Variants in PTPRN2 observed in about 807,000 individuals in gnomAD.
The protein encoded by PTPRN2 is receptor-type tyrosine-protein phosphatase N2.
A neutral mutation model predicts 118.8 loss-of-function variants in PTPRN2; 74 were observed. That is an observed-to-expected ratio of 0.62 (90% confidence interval 0.52 to 0.76). The LOEUF (loss-of-function observed/expected upper bound fraction) is 0.76, where lower values mean the gene tolerates loss of function less well. Among genes scored for constraint, PTPRN2 ranks in the 30% least tolerant of loss-of-function variants. The pLI, the probability that PTPRN2 is intolerant of heterozygous loss-of-function variation, is 0.00. For missense variants in PTPRN2, 1,481 were observed against 1,394.4 expected (o/e 1.06, Z -0.99); for synonymous variants, 641 against 608.0 (o/e 1.05, Z -0.80).
At chr7:158,504,392 C>G (rs989692836) in intron 1 of PTPRN2, among the ~76,000 whole-genome samples, 1 of 152,182 alleles carries the variant, frequency 6.6e-6, no homozygotes, top group Non-Finnish European at 1.5e-5. Flanking sequence ...GTTCCCCCCC[C>G]ATGTGTCCAT....
At chr7:157,797,626 C>T (rs557436239) in intron 12 of PTPRN2, among the ~76,000 whole-genome samples, 9 of 152,312 alleles carry the variant, frequency 5.9e-5, no homozygotes, top group South Asian at 4.1e-4. Context: ...ACGTACCACT[C>T]GGTGGCAGGG....
chr7:158,064,680 C>T (rs56292561), intron 11 of PTPRN2, among the ~76,000 whole-genome samples: 16,136 of 152,218 alleles, frequency 0.11, 2,192 homozygotes, highest in African/African-American at 0.32. Flanking sequence ...ACCAAAGCCC[C>T]CCCTGTGCCA....
intron 3 of PTPRN2, among the ~76,000 whole-genome samples, chr7:158,222,561 C>T (rs928292354): frequency 8.6e-5 from 13 of 151,926 alleles, no homozygotes; most frequent in Non-Finnish European, 4.4e-5. Flanking sequence ...TGACAGACGC[C>T]GAGGACTATG....
chr7:158,307,798 T>C (rs1183349156), intron 3 of PTPRN2, among the ~76,000 whole-genome samples: 1 of 152,086 alleles, frequency 6.6e-6, no homozygotes, highest in Non-Finnish European at 1.5e-5. Context: ...GGAAACTGGG[T>C]CATGAGGGCT....
In PTPRN2 at chr7:157,610,275, A is replaced by G. The variant is rs1323777575; in HGVS notation, c.2345-6200T>C. Among the ~76,000 whole-genome samples the G allele has an allele frequency of 2.6e-5, 4 of 152,228 alleles. 1 individual carries two copies. In the East Asian group the frequency reaches 7.7e-4, roughly 29 times the overall value. On this transcript the variant is annotated intron_variant, in intron 15 of 22. Coordinates refer to ENST00000389418, the MANE Select transcript of PTPRN2 (RefSeq NM_002847.5). This position sits in a 1 kb window ranked among gnomAD's most constrained non-coding sequence, Gnocchi z 5.1. ...CCCAGGGGCCTCACGGAACTCGGCA[A>G]TGGGGTTCCTTCCACTCAGGGGTCT...
intron 2 of PTPRN2, among the ~76,000 whole-genome samples, chr7:158,382,536 C>T (rs113426714): frequency 1.3e-5 from 2 of 152,294 alleles, no homozygotes; most frequent in East Asian, 3.9e-4. Flanking sequence ...CCCCAACCCC[C>T]GGGCCATGAA....
intron 12 of PTPRN2, among the ~76,000 whole-genome samples, chr7:157,702,976 G>T (rs1333539480): frequency 6.6e-6 from 1 of 152,216 alleles, no homozygotes; most frequent in Non-Finnish European, 1.5e-5. Context: ...GGCTGTGATA[G>T]AGCTCTTTGT....
intron 12 of PTPRN2, among the ~76,000 whole-genome samples, chr7:157,768,040 C>T (rs376764011): frequency 6.6e-4 from 101 of 152,288 alleles, no homozygotes; most frequent in African/African-American, 2.3e-3. Flanking sequence ...ACACACTCTG[C>T]AGTGTGGCGA....
At chr7:157,648,741 C>T (rs1805343231) in intron 14 of PTPRN2, among the ~76,000 whole-genome samples, 1 of 146,852 alleles carries the variant, frequency 6.8e-6, no homozygotes. Context: ...GGGTCGGACC[C>T]ATCCAGTGTG....
intron 4 of PTPRN2, among the ~76,000 whole-genome samples, chr7:158,192,971 C>A (rs1585803543): frequency 6.6e-6 from 1 of 152,188 alleles, no homozygotes; most frequent in South Asian, 2.1e-4. Context: ...CAGGTTCTCG[C>A]CTGATAAATG....
chr7:157,694,393 G>T (rs549755307), intron 12 of PTPRN2, among the ~76,000 whole-genome samples: 1 of 152,172 alleles, frequency 6.6e-6, no homozygotes, highest in Admixed American at 6.5e-5. Context: ...ATGTCTGAGA[G>T]CCTCCAACTC....
chr7:158,167,639 A>G (rs1823152707), intron 5 of PTPRN2, among the ~76,000 whole-genome samples: 1 of 152,242 alleles, frequency 6.6e-6, no homozygotes, highest in Admixed American at 6.5e-5. Flanking sequence ...CGCATCACCC[A>G]AAAAGAGACT....
chr7:158,070,870 TGGTGCCCATGGTGGTGGA>T (rs1263583251), intron 11 of PTPRN2, among the ~76,000 whole-genome samples: 2 of 67,240 alleles, frequency 3.0e-5, no homozygotes, highest in Non-Finnish European at 5.6e-5. Context: ...GTGGTGGTGG[TGGTGCCCATGGTGGTGGA>T]GGTGCCCATG....
chr7:158,381,116 C>A (rs1435222546), intron 2 of PTPRN2, among the ~76,000 whole-genome samples: 1 of 152,236 alleles, frequency 6.6e-6, no homozygotes, highest in Admixed American at 6.5e-5. Flanking sequence ...CTCTGACATG[C>A]CCTGGAGACA....
chr7:158,504,117 T>C (rs1822573770), intron 1 of PTPRN2, among the ~76,000 whole-genome samples: 1 of 152,114 alleles, frequency 6.6e-6, no homozygotes, highest in East Asian at 1.9e-4. Flanking sequence ...GATAAATTCC[T>C]TGTTAATATT....
chr7:158,329,906 G>C (rs1183483231), intron 2 of PTPRN2, among the ~76,000 whole-genome samples: 3 of 152,064 alleles, frequency 2.0e-5, no homozygotes, highest in Admixed American at 1.3e-4. Context: ...TAGCTACATG[G>C]AGTGACTGGC....
chr7:157,680,029 T>C (rs2150803150), intron 13 of PTPRN2, among the ~76,000 whole-genome samples: 1 of 152,348 alleles, frequency 6.6e-6, no homozygotes, highest in East Asian at 1.9e-4. Context: ...CAAGTTCTTT[T>C]GTTTAAAGTG....
At chr7:158,488,315 C>T (rs1273707373) in intron 2 of PTPRN2, among the ~76,000 whole-genome samples, 1 of 152,180 alleles carries the variant, frequency 6.6e-6, no homozygotes, top group East Asian at 1.9e-4. Context: ...ACCCACACTG[C>T]ACCCCACGAG....
At chr7:158,054,270 G>A (rs1014601269) in intron 11 of PTPRN2, among the ~76,000 whole-genome samples, 6 of 152,328 alleles carry the variant, frequency 3.9e-5, no homozygotes, top group East Asian at 1.9e-4. Flanking sequence ...TTTCCCATGC[G>A]TGGGCCGATT....
Sources: allele counts gnomAD v4.1 joint callset (sites outside exome capture counted in the v4.1 genomes callset), GRCh38; gene constraint gnomAD v4.1.1; non-coding constraint Gnocchi (gnomAD v3.1); transcripts MANE v1.5; gene names NCBI Gene and HGNC (gene_info 2026-07-23, HGNC 2026-07-21).